AAK1: variants seen among roughly 807,000 people sequenced by gnomAD.
The protein encoded by AAK1 is AP2-associated protein kinase 1.
AAK1 carries 37 observed loss-of-function variants against 116.0 expected under a neutral mutation model. The observed-to-expected ratio is 0.32, with a 90% CI of 0.25 to 0.42. The LOEUF is 0.42. Among genes scored for constraint, AAK1 ranks in the 10% least tolerant of loss-of-function variants. The probability of loss-of-function intolerance (pLI) is 1.00; values close to 1 mark genes in which losing one functional copy is unlikely to be tolerated. For missense variants in AAK1, 919 were observed against 1,170.6 expected, an observed-to-expected ratio of 0.79 and a Z score of 3.14; for synonymous variants, 458 against 439.9, an observed-to-expected ratio of 1.04 and a Z score of -0.51.
rs951728853 is a variant in AAK1 at position 69,471,063 on chromosome 2, T to G, written c.*4806A>C. On this transcript the variant is annotated 3_prime_UTR_variant, in exon 22 of 22. Coordinates refer to ENST00000409085, the MANE Select transcript of AAK1 (RefSeq NM_014911.5). ...TAAGATATCTTCATGTACAACTGTA[T>G]GCTTTGTCTTCTTGGGAAGGACGCG... 2 of 985,760 alleles carry G rather than the reference T, an allele frequency of 2.0e-6. No homozygotes were observed. Among genetic ancestry groups the G allele is most frequent in the Non-Finnish European group, 2.4e-6 (2 of 829,946 alleles). The allele number at this position is 985,760 out of a possible 1,614,324, so 61.1% of individuals were successfully genotyped here.
At position 69,472,671 on chromosome 2, in the gene AAK1, T is replaced by C; in HGVS notation, c.*3198A>G. ...GAATGTTGTAAAGGGAAAAATCAAT[T>C]TGTCATGTTTTCTGCTATAGTTACT... On this transcript the variant is annotated 3_prime_UTR_variant, in exon 22 of 22. Transcript: ENST00000409085. 6.1e-6 allele frequency: 6 copies of C among 985,406 alleles called. No individual in the cohort carries two copies. Among genetic ancestry groups the C allele is most frequent in the Non-Finnish European group, 7.2e-6 (6 of 829,904 alleles). 61.0% of individuals were successfully genotyped at this position (985,406 alleles called of 1,614,324 possible).
rs369389411 is a variant in AAK1, at chr2:69,511,479, C to T, written c.1777-2019G>A. ...GAGTGCTCTGTGAAGACAACCACAG[C>T]TCCAGCTCCACAACTTCCTCTGGGG... On this transcript the variant is annotated intron_variant, in intron 13 of 21. Coordinates refer to ENST00000409085, the MANE Select transcript of AAK1 (RefSeq NM_014911.5). Among the ~76,000 whole-genome samples the T allele has an allele frequency of 7.3e-4, 111 of 152,352 alleles. No homozygotes were observed. The South Asian group carries it at 0.021, about 29-fold the overall frequency.
rs1368738256 is a variant in AAK1 at position 69,604,053 on chromosome 2, TAG to T, written c.163+38823_163+38824del. On this transcript the variant is annotated intron_variant, in intron 2 of 21. Transcript: ENST00000409085. ...AAGATCCTTCTGAAACTCGGTTAGT[TAG>T]AGAGTCTGATCTCATCCCTTCAGAA... 5.3e-5 allele frequency among the ~76,000 whole-genome samples: 8 copies of T among 152,330 alleles called. No individual in the cohort carries two copies. The South Asian group carries it at 1.0e-3, about 20-fold the overall frequency.
chr2:69,622,813 C>G (rs1193545772), intron 2 of AAK1, among the ~76,000 whole-genome samples: 1 of 152,148 alleles, frequency 6.6e-6, no homozygotes, highest in Non-Finnish European at 1.5e-5. Context: ...AATCGACACT[C>G]CGCATCTAGC....
rs914737096 is a variant in AAK1 at position 69,642,444 on chromosome 2, G to A, written c.163+434C>T. Among the ~76,000 whole-genome samples the A allele has an allele frequency of 7.9e-5, 12 of 151,902 alleles. 1 individual carries two copies. Among genetic ancestry groups the A allele is most frequent in the Admixed American group, 7.9e-4 (12 of 15,252 alleles). On this transcript the variant is annotated intron_variant, in intron 2 of 21. Coordinates refer to ENST00000409085, the MANE Select transcript of AAK1 (RefSeq NM_014911.5). Reference sequence around the variant, plus strand: ...CTCTTCCTTCCAATGCCTGCTCATGGAAGTGGGAAAGTTGGGTAGGAGAAG... The same window carrying A: ...CTCTTCCTTCCAATGCCTGCTCATGAAAGTGGGAAAGTTGGGTAGGAGAAG...
Position 69,469,954 on chromosome 2 carries a change from A to G in AAK1, c.*5915T>C, listed in dbSNP as rs1421169619. The G allele has an allele frequency of 1.0e-6, 1 of 985,384 alleles. No homozygotes were observed. The highest frequency in any genetic ancestry group is 1.2e-6 in the Non-Finnish European group (1 of 829,918). 61.0% of individuals were successfully genotyped at this position (985,384 alleles called of 1,614,324 possible). On this transcript the variant is annotated 3_prime_UTR_variant, in exon 22 of 22. Transcript: ENST00000409085. ...GAAGGAGTTCCTAAAATACCTGACA[A>G]CTTGGCAACTATCCTCACCAGCTCC... is the stretch of plus-strand genomic sequence containing the variant.
At chr2:69,572,512 G>A (rs890009531) in intron 2 of AAK1, among the ~76,000 whole-genome samples, 1 of 151,346 alleles carries the variant, frequency 6.6e-6, no homozygotes, top group African/African-American at 2.4e-5. Flanking sequence ...CCAGCTACTC[G>A]GGAGGCTGAG....
At position 69,536,202 on chromosome 2, in the gene AAK1, CGAGGAAG is replaced by C. The variant is rs1282231442; in HGVS notation, c.535-4047_535-4041del. On this transcript the variant is annotated intron_variant, in intron 5 of 21. Transcript: ENST00000409085. ...AAGGGGGATGGACAGTTGAGATTGG[CGAGGAAG>C]GAGGAAGGAGAAAGGGAGAGGACCA... Among the ~76,000 whole-genome samples the C allele has an allele frequency of 3.9e-5, 6 of 152,076 alleles. No individual in the cohort carries two copies. In the South Asian group the frequency reaches 6.2e-4, roughly 16 times the overall value.
intron 2 of AAK1, among the ~76,000 whole-genome samples, chr2:69,639,423 G>A (rs1675599335): frequency 6.6e-6 from 1 of 152,242 alleles, no homozygotes; most frequent in Non-Finnish European, 1.5e-5. Flanking sequence ...TGCTGAGAAA[G>A]CTAGAAAGAA....
At chr2:69,484,286 CT>C (rs1390516353) in intron 17 of AAK1, among the ~76,000 whole-genome samples, 15 of 152,106 alleles carry the variant, frequency 9.9e-5, no homozygotes, top group Non-Finnish European at 4.4e-5. Flanking sequence ...TTTAGGTGAT[CT>C]TCAATTTAGG....
chr2:69,461,515 AG>A lies in AAK1; in HGVS notation c.*14353del. 7.8e-5 allele frequency: 18 copies of A among 231,784 alleles called. No individual in the cohort carries two copies. The highest frequency in any genetic ancestry group is 2.3e-4 in the South Asian group (6 of 26,268). 14.4% of individuals were successfully genotyped at this position (231,784 alleles called of 1,614,324 possible). ...ATGCATCACCAAAAAAAAAAAAAAAAGTAATTTGCATGTGTTTGCATCCGTT... is the reference window on the plus strand; with the variant it reads ...ATGCATCACCAAAAAAAAAAAAAAAATAATTTGCATGTGTTTGCATCCGTT... On this transcript the variant is annotated 3_prime_UTR_variant, in exon 22 of 22. Transcript: ENST00000409085.
At chr2:69,505,712 A>G in intron 15 of AAK1, 39 bp from the exon 16 acceptor site, 1 of 1,543,510 alleles carries the variant, frequency 6.5e-7, no homozygotes, top group Non-Finnish European at 8.9e-7. Context: ...TTCTAGCAGA[A>G]TCTTGCGAGG....
At chr2:69,477,226 T>C (rs1393201331) in intron 20 of AAK1, among the ~76,000 whole-genome samples, 1 of 152,148 alleles carries the variant, frequency 6.6e-6, no homozygotes, top group African/African-American at 2.4e-5. Flanking sequence ...AAAAGGGTTC[T>C]TGGAAGAATT....
chr2:69,573,447 T>C (rs13431612), intron 2 of AAK1, among the ~76,000 whole-genome samples: 7,292 of 152,222 alleles, frequency 0.048, 471 homozygotes, highest in East Asian at 0.18. Flanking sequence ...CACCCAAGTA[T>C]CTAATGCTAG....
chr2:69,620,762 G>A (rs866962428), intron 2 of AAK1, among the ~76,000 whole-genome samples: 4 of 152,208 alleles, frequency 2.6e-5, no homozygotes, highest in Middle Eastern at 6.8e-3. Flanking sequence ...TCCTTACTAA[G>A]CTACCCCTTA....
intron 2 of AAK1, among the ~76,000 whole-genome samples, chr2:69,599,631 A>C (rs888258578): frequency 1.7e-4 from 26 of 152,170 alleles, no homozygotes; most frequent in African/African-American, 5.3e-4. Context: ...TAGCTCCATT[A>C]ATGTAAAGTC....
intron 2 of AAK1, among the ~76,000 whole-genome samples, chr2:69,607,781 A>G (rs1187318203): frequency 6.6e-6 from 1 of 152,218 alleles, no homozygotes; most frequent in Non-Finnish European, 1.5e-5. Context: ...GGGTGTGGGC[A>G]GACTAGAGAT....
intron 3 of AAK1, among the ~76,000 whole-genome samples, chr2:69,549,243 C>T (rs902456313): frequency 2.0e-5 from 3 of 152,170 alleles, no homozygotes; most frequent in Admixed American, 2.0e-4. Flanking sequence ...GTGGCATGCG[C>T]CTGTAGTCCC....
intron 3 of AAK1, among the ~76,000 whole-genome samples, chr2:69,555,388 C>T (rs902324599): frequency 1.3e-5 from 2 of 152,202 alleles, no homozygotes; most frequent in Admixed American, 6.5e-5. Context: ...GCCAGGCTCT[C>T]TAACACTCTG....
Sources: allele counts gnomAD v4.1 joint callset (sites outside exome capture counted in the v4.1 genomes callset), GRCh38; gene constraint gnomAD v4.1.1; transcripts MANE v1.5; gene names NCBI Gene and HGNC (gene_info 2026-07-23, HGNC 2026-07-21).